CYYR1: variants seen among roughly 807,000 people sequenced by gnomAD.
The protein encoded by CYYR1 is cysteine and tyrosine rich 1.
Under a neutral mutation model 15.2 loss-of-function variants are expected in CYYR1, and 14 were observed. That is an observed-to-expected ratio of 0.92 (90% CI 0.61 to 1.44). The LOEUF is 1.44. Ranked by LOEUF, CYYR1 falls within the 40% of genes most tolerant of loss-of-function variation. The pLI is 0.00. For missense variants in CYYR1, 228 were observed against 209.5 expected, an observed-to-expected ratio of 1.09 and a Z score of -0.54; for synonymous variants, 80 against 77.4, an observed-to-expected ratio of 1.03 and a Z score of -0.18.
intron 2 of CYYR1, among the ~76,000 whole-genome samples, chr21:26,496,329 A>G (rs565164589): frequency 6.6e-6 from 1 of 152,346 alleles, no homozygotes; most frequent in South Asian, 2.1e-4. Context: ...AAGAAATATC[A>G]GCTAGATTCA....
At chr21:26,510,943 A>G (rs2065638951) in intron 2 of CYYR1, among the ~76,000 whole-genome samples, 1 of 152,224 alleles carries the variant, frequency 6.6e-6, no homozygotes, top group Non-Finnish European at 1.5e-5. Context: ...TTATTTTACT[A>G]GTGATTTGGG....
At chr21:26,549,744 T>C (rs990345893) in intron 2 of CYYR1, among the ~76,000 whole-genome samples, 1 of 152,204 alleles carries the variant, frequency 6.6e-6, no homozygotes, top group African/African-American at 2.4e-5. Flanking sequence ...AGCTTTTGAA[T>C]GATTTAGAAT....
intron 3 of CYYR1, among the ~76,000 whole-genome samples, chr21:26,479,499 A>G (rs1026717630): frequency 6.6e-6 from 1 of 152,172 alleles, no homozygotes; most frequent in Non-Finnish European, 1.5e-5. Context: ...GTCAAATTGT[A>G]CATGCACAGA....
chr21:26,472,407 G>A (rs903479214), intron 3 of CYYR1, among the ~76,000 whole-genome samples: 1 of 151,742 alleles, frequency 6.6e-6, no homozygotes, highest in Non-Finnish European at 1.5e-5. Flanking sequence ...TTATTGCTTA[G>A]AATACATTAT....
intron 2 of CYYR1, among the ~76,000 whole-genome samples, chr21:26,542,305 G>T (rs953882549): frequency 4.9e-4 from 75 of 151,528 alleles, no homozygotes; most frequent in Admixed American, 1.4e-3. Context: ...GTGTGTGTGT[G>T]TGTGTGTGTG....
At chr21:26,476,576 CCTATCTATCATCTATCTAT>C (rs928988808) in intron 3 of CYYR1, among the ~76,000 whole-genome samples, 2 of 132,456 alleles carry the variant, frequency 1.5e-5, no homozygotes, top group African/African-American at 6.2e-5. Context: ...GTTTGTCTAC[CCTATCTATCATCTATCTAT>C]CTATCTATCT....
intron 2 of CYYR1, among the ~76,000 whole-genome samples, chr21:26,510,686 C>T (rs1479380185): frequency 6.6e-6 from 1 of 152,032 alleles, no homozygotes; most frequent in African/African-American, 2.4e-5. Flanking sequence ...ATATTAAAAT[C>T]TTTTGATAAT....
rs561211134 is a variant in CYYR1 at position 26,481,343 on chromosome 21, T to A, written c.177-914A>T. On this transcript the variant is annotated intron_variant, in intron 2 of 3. Coordinates refer to ENST00000652641, the MANE Select transcript of CYYR1 (RefSeq NM_001320768.2). ...GCAAAATAGGAGAAACATCCTAATG[T>A]CCATAAAAAGAGGACTGACAGAAAA... 2.6e-5 allele frequency among the ~76,000 whole-genome samples: 4 copies of A among 152,112 alleles called. No homozygotes were observed. The South Asian group carries it at 8.3e-4, about 32-fold the overall frequency.
At chr21:26,564,027 G>A (rs183808930) in intron 2 of CYYR1, among the ~76,000 whole-genome samples, 102 of 152,162 alleles carry the variant, frequency 6.7e-4, no homozygotes, top group Non-Finnish European at 1.3e-3. Flanking sequence ...CAGTTAAAAT[G>A]ATTTCACTAA....
At chr21:26,547,825 C>T (rs1277535208) in intron 2 of CYYR1, among the ~76,000 whole-genome samples, 4 of 151,092 alleles carry the variant, frequency 2.6e-5, no homozygotes, top group East Asian at 1.9e-4. Context: ...AAGGAAACCT[C>T]GATTTCAACC....
chr21:26,504,004 C>G (rs1272039100), intron 2 of CYYR1, among the ~76,000 whole-genome samples: 1 of 151,890 alleles, frequency 6.6e-6, no homozygotes, highest in African/African-American at 2.4e-5. Flanking sequence ...AATTTTGAAG[C>G]AGAAATTCAA....
intron 2 of CYYR1, among the ~76,000 whole-genome samples, chr21:26,512,012 A>ACACACACT (rs1386086764): frequency 6.7e-6 from 1 of 150,360 alleles, no homozygotes; most frequent in African/African-American, 2.5e-5. Context: ...ACACACACAC[A>ACACACACT]CTCTGCTTGA....
intron 3 of CYYR1, chr21:26,477,524 C>G (rs371653684): frequency 1.0e-4 from 23 of 222,448 alleles, no homozygotes; most frequent in African/African-American, 5.4e-4. Flanking sequence ...ATATTTCCGT[C>G]GGCTAATTGA....
chr21:26,471,655 T>C (rs1439569025), intron 3 of CYYR1: 1 of 152,222 alleles, frequency 6.6e-6, no homozygotes, highest in Admixed American at 6.5e-5. Context: ...GTGGGCTGTA[T>C]TATCTTTCTT....
intron 2 of CYYR1, among the ~76,000 whole-genome samples, chr21:26,561,873 T>C (rs1980227527): frequency 6.6e-6 from 1 of 152,234 alleles, no homozygotes; most frequent in Admixed American, 6.5e-5. Flanking sequence ...TTCAGTTCCA[T>C]GTTTAGCTTG....
chr21:26,531,920 G>A (rs2065935423), intron 2 of CYYR1, among the ~76,000 whole-genome samples: 1 of 152,228 alleles, frequency 6.6e-6, no homozygotes, highest in East Asian at 1.9e-4. Flanking sequence ...CATACATACT[G>A]TTGCCAATGC....
At chr21:26,515,367 CT>C (rs532569849) in intron 2 of CYYR1, among the ~76,000 whole-genome samples, 2 of 151,080 alleles carry the variant, frequency 1.3e-5, no homozygotes, top group Admixed American at 6.6e-5. Context: ...CTTTTCTTTT[CT>C]TTTTTTTTGG....
chr21:26,471,493 G>A (rs1458618067), intron 3 of CYYR1: 1 of 152,124 alleles, frequency 6.6e-6, no homozygotes, highest in South Asian at 2.1e-4. Flanking sequence ...ATATGACAGT[G>A]GTCTTTCATT....
intron 2 of CYYR1, among the ~76,000 whole-genome samples, chr21:26,562,113 G>C (rs1359805964): frequency 2.0e-5 from 3 of 152,274 alleles, no homozygotes; most frequent in East Asian, 1.9e-4. Flanking sequence ...AATCAATCTG[G>C]TGGGAAATTG....
Sources: allele counts gnomAD v4.1 joint callset (sites outside exome capture counted in the v4.1 genomes callset), GRCh38; gene constraint gnomAD v4.1.1; transcripts MANE v1.5; gene names NCBI Gene and HGNC (gene_info 2026-07-23, HGNC 2026-07-21).